The following ST3GAL3 variants were observed in gnomAD, a reference collection of about 807,000 sequenced individuals.
ST3GAL3 encodes the protein ST3 beta-galactoside alpha-2,3-sialyltransferase 3.
A neutral mutation model predicts 50.1 loss-of-function variants in ST3GAL3; 21 were observed. The observed-to-expected ratio is 0.42, with a 90% CI of 0.30 to 0.60. The LOEUF (loss-of-function observed/expected upper bound fraction) is 0.60, where lower values mean the gene tolerates loss of function less well. ST3GAL3 is among the 20% of genes least tolerant of loss of function. The pLI, the probability that ST3GAL3 is intolerant of heterozygous loss-of-function variation, is 0.19. For synonymous variants in ST3GAL3, 183 were observed against 190.0 expected (o/e 0.96, Z 0.30); for missense variants, 353 against 489.4 (o/e 0.72, Z 2.63).
intron 9 of ST3GAL3, among the ~76,000 whole-genome samples, chr1:43,916,412 A>G (rs951441394): frequency 1.3e-5 from 2 of 152,184 alleles, no homozygotes; most frequent in Non-Finnish European, 1.5e-5. Context: ...GGTAAGATGG[A>G]CTGGAAAGGT....
intron 5 of ST3GAL3, among the ~76,000 whole-genome samples, chr1:43,857,586 C>CCTCCCTT (rs1558605800): frequency 5.8e-5 from 5 of 85,976 alleles, no homozygotes; most frequent in Non-Finnish European, 1.1e-4. Flanking sequence ...CTTCCTCCCT[C>CCTCCCTT]CCTTCCTTCC....
At chr1:43,809,732 C>T (rs756596422) in intron 3 of ST3GAL3, among the ~76,000 whole-genome samples, 8 of 151,842 alleles carry the variant, frequency 5.3e-5, no homozygotes, top group African/African-American at 1.2e-4. Flanking sequence ...TGGTGGTTCA[C>T]GCCTGTAATC....
At chr1:43,923,345 T>G (rs1233562657) in intron 11 of ST3GAL3, among the ~76,000 whole-genome samples, 1 of 152,122 alleles carries the variant, frequency 6.6e-6, no homozygotes, top group Non-Finnish European at 1.5e-5. Context: ...TCTAGGAGAT[T>G]TACATCCCTG....
At chr1:43,752,438 C>A (rs1409965373) in intron 2 of ST3GAL3, among the ~76,000 whole-genome samples, 2 of 152,170 alleles carry the variant, frequency 1.3e-5, no homozygotes, top group Non-Finnish European at 2.9e-5. Flanking sequence ...CCTGATTCAC[C>A]CACCTGTTTC....
intron 5 of ST3GAL3, among the ~76,000 whole-genome samples, chr1:43,865,289 A>T (rs1229998491): frequency 6.6e-6 from 1 of 152,138 alleles, no homozygotes; most frequent in African/African-American, 2.4e-5. Flanking sequence ...AAGTGCTGGG[A>T]TTACAGGCGT....
chr1:43,839,541 A>G (rs1007485344), intron 5 of ST3GAL3: 1 of 152,288 alleles, frequency 6.6e-6, no homozygotes, highest in African/African-American at 2.4e-5. Context: ...CAAACAGTAC[A>G]AAAGGTTATA....
intron 1 of ST3GAL3, among the ~76,000 whole-genome samples, chr1:43,731,396 T>C (rs1675731201): frequency 1.4e-5 from 2 of 139,188 alleles, no homozygotes; most frequent in Non-Finnish European, 1.5e-5. Context: ...TTTTTTTTTT[T>C]TTTTTTGAGA....
At chr1:43,926,028 C>A (rs1220606846) in intron 11 of ST3GAL3, among the ~76,000 whole-genome samples, 1 of 152,076 alleles carries the variant, frequency 6.6e-6, no homozygotes, top group African/African-American at 2.4e-5. Flanking sequence ...AGATGTTGCT[C>A]GTGGTAAGGG....
At chr1:43,739,154 G>T (rs1679743539) in intron 2 of ST3GAL3, 1 of 152,134 alleles carries the variant, frequency 6.6e-6, no homozygotes, top group Non-Finnish European at 1.5e-5. Flanking sequence ...TTAATGTTTA[G>T]AATATTAATA....
At chr1:43,923,138 C>T (rs1048338971) in intron 11 of ST3GAL3, among the ~76,000 whole-genome samples, 6 of 151,746 alleles carry the variant, frequency 4.0e-5, no homozygotes, top group South Asian at 2.1e-4. Flanking sequence ...CGCTGGTGTG[C>T]GCATGTAGTC....
At chr1:43,714,718 A>G (rs1012105292) in intron 1 of ST3GAL3, among the ~76,000 whole-genome samples, 3 of 152,364 alleles carry the variant, frequency 2.0e-5, no homozygotes, top group Middle Eastern at 3.4e-3. Flanking sequence ...TATACTCATC[A>G]GATGGGGTTG....
chr1:43,872,385 A>G (rs555698976), intron 5 of ST3GAL3, among the ~76,000 whole-genome samples: 2 of 150,914 alleles, frequency 1.3e-5, no homozygotes, highest in Non-Finnish European at 3.0e-5. Flanking sequence ...CAGGGCAGAG[A>G]GAGTCCTGCC....
At chr1:43,818,585 A>G (rs943251790) in intron 4 of ST3GAL3, among the ~76,000 whole-genome samples, 5 of 152,232 alleles carry the variant, frequency 3.3e-5, no homozygotes, top group African/African-American at 9.6e-5. Context: ...GCTTGTTCTC[A>G]TGGTTTTATG....
intron 2 of ST3GAL3, among the ~76,000 whole-genome samples, chr1:43,766,387 A>C (rs1692976045): frequency 6.6e-6 from 1 of 152,170 alleles, no homozygotes; most frequent in Non-Finnish European, 1.5e-5. Context: ...AGTGTTTCAG[A>C]GACAACAAAG....
In ST3GAL3 at chr1:43,899,651, A is replaced by G. The variant is rs771156118; in HGVS notation, c.668A>G (p.Asp223Gly). The change falls in exon 9 of 12, where the codon GAT becomes GGT. Residue 223 changes from aspartate to glycine, a missense_variant. Physicochemically the swap from Asp to Gly is moderately conservative, Grantham distance 94. Transcript: ENST00000347631. The surrounding 1 kb of genome is among the most constrained non-coding windows in gnomAD (Gnocchi z 5.4). ...CAGCGGCCTGAGCAGTACGAGCGCG[A>G]TTCTCTCTTTGTCCTCGCCGGCTTC... Reference protein sequence around the residue: ...AMQRPEQYERDSLFVLAGFKW... With the variant: ...AMQRPEQYERGSLFVLAGFKW... The G allele has an allele frequency of 4.3e-6, 7 of 1,614,168 alleles. No homozygotes were observed. The highest frequency in any genetic ancestry group is 5.1e-6 in the Non-Finnish European group (6 of 1,180,042).
chr1:43,726,836 C>T (rs756778142), intron 1 of ST3GAL3, among the ~76,000 whole-genome samples: 17 of 152,090 alleles, frequency 1.1e-4, no homozygotes, highest in East Asian at 5.8e-4. Flanking sequence ...TCAAATGATC[C>T]GCCTGCCTCG....
At chr1:43,734,090 G>A (rs1335561747) in intron 1 of ST3GAL3, among the ~76,000 whole-genome samples, 1 of 151,846 alleles carries the variant, frequency 6.6e-6, no homozygotes, top group African/African-American at 2.4e-5. Flanking sequence ...CAGCCTGGGC[G>A]ACAGAGGGAA....
chr1:43,848,301 T>TC (rs1274906828), intron 5 of ST3GAL3, among the ~76,000 whole-genome samples: 2 of 144,252 alleles, frequency 1.4e-5, no homozygotes, highest in South Asian at 2.2e-4. Context: ...TTTCTTTTTT[T>TC]TTTTTTTTTT....
intron 5 of ST3GAL3, 107 bp downstream of exon 5, chr1:43,838,418 C>A: frequency 1.9e-6 from 2 of 1,066,792 alleles, no homozygotes; most frequent in Non-Finnish European, 2.9e-6. Context: ...CTCTGGAAAC[C>A]ATGGGTTCCT....
Sources: allele counts gnomAD v4.1 joint callset (sites outside exome capture counted in the v4.1 genomes callset), GRCh38; gene constraint gnomAD v4.1.1; non-coding constraint Gnocchi (gnomAD v3.1); transcripts MANE v1.5; gene names NCBI Gene and HGNC (gene_info 2026-07-23, HGNC 2026-07-21).